ADGRL2: variants seen among roughly 807,000 people sequenced by gnomAD.
ADGRL2 encodes the protein calcium-independent alpha-latrotoxin receptor 2.
ADGRL2 carries 44 observed loss-of-function variants against 157.4 expected under a neutral mutation model. The observed-to-expected ratio is 0.28, with a 90% CI of 0.22 to 0.36. ADGRL2 has a LOEUF of 0.36. Ranked by LOEUF, ADGRL2 falls within the 10% of genes least tolerant of loss-of-function variation. ADGRL2 has a pLI of 1.00. For missense variants in ADGRL2, 1,510 were observed against 1,768.9 expected (o/e 0.85, Z 2.63); for synonymous variants, 585 against 624.7 (o/e 0.94, Z 0.95).
At chr1:81,552,790 T>C (rs886355717) in intron 2 of ADGRL2, among the ~76,000 whole-genome samples, 4 of 152,154 alleles carry the variant, frequency 2.6e-5, no homozygotes, top group African/African-American at 9.6e-5. Flanking sequence ...GGTTTTCTTA[T>C]AATGTACTAC....
intron 1 of ADGRL2, among the ~76,000 whole-genome samples, chr1:81,749,157 A>G (rs1006495280): frequency 2.0e-5 from 3 of 151,876 alleles, no homozygotes; most frequent in Non-Finnish European, 4.4e-5. Flanking sequence ...TGTTACCTCA[A>G]CTCTTTCTTT....
chr1:81,596,375 C>T (rs187843699), intron 3 of ADGRL2: 12 of 506,378 alleles, frequency 2.4e-5, no homozygotes, highest in Non-Finnish European at 4.2e-5. Flanking sequence ...GATTCTTTTC[C>T]TTTCCTCCTC....
At chr1:81,596,994 T>A (rs2081247475) in intron 3 of ADGRL2, among the ~76,000 whole-genome samples, 2 of 152,198 alleles carry the variant, frequency 1.3e-5, no homozygotes, top group South Asian at 4.1e-4. Context: ...ATTAAATTTT[T>A]AAAAATTCTA....
intron 3 of ADGRL2, among the ~76,000 whole-genome samples, chr1:81,646,253 A>C (rs991984029): frequency 1.3e-5 from 2 of 152,196 alleles, no homozygotes; most frequent in African/African-American, 4.8e-5. Flanking sequence ...TGACATTTCA[A>C]ACCTCATCTC....
chr1:81,744,668 C>G (rs1012288876), intron 1 of ADGRL2, among the ~76,000 whole-genome samples: 1 of 152,076 alleles, frequency 6.6e-6, no homozygotes, highest in Non-Finnish European at 1.5e-5. Context: ...ACTTAGTGTA[C>G]CAAATACTGC....
intron 2 of ADGRL2, among the ~76,000 whole-genome samples, chr1:81,874,626 TG>T (rs2093783966): frequency 9.9e-6 from 1 of 100,846 alleles, no homozygotes; most frequent in South Asian, 4.7e-4. Context: ...TGTCTTGTCT[TG>T]TCTTGTCTTG....
chr1:81,956,413 A>T (rs1653529774), intron 11 of ADGRL2, among the ~76,000 whole-genome samples: 1 of 152,134 alleles, frequency 6.6e-6, no homozygotes, highest in Non-Finnish European at 1.5e-5. Context: ...ATATGTTCCT[A>T]ATGAATTTAA....
At chr1:81,755,166 T>TA (rs1571085987) in intron 1 of ADGRL2, among the ~76,000 whole-genome samples, 34 of 130,596 alleles carry the variant, frequency 2.6e-4, no homozygotes, top group Admixed American at 2.1e-3. Flanking sequence ...ATATATATAT[T>TA]TAAAGATATA....
chr1:81,894,257 G>T (rs2094333676), intron 2 of ADGRL2, among the ~76,000 whole-genome samples: 1 of 151,906 alleles, frequency 6.6e-6, no homozygotes, highest in African/African-American at 2.4e-5. Flanking sequence ...TTTTCTGTTT[G>T]GTGGTGTTTT....
At chr1:81,377,643 T>G (rs1008643233) in intron 1 of ADGRL2, among the ~76,000 whole-genome samples, 1 of 152,106 alleles carries the variant, frequency 6.6e-6, no homozygotes, top group Non-Finnish European at 1.5e-5. Flanking sequence ...ACATCCAGGT[T>G]GATTGTTAGG....
chr1:81,463,337 A>G (rs2101819669), intron 2 of ADGRL2, among the ~76,000 whole-genome samples: 1 of 152,004 alleles, frequency 6.6e-6, no homozygotes, highest in African/African-American at 2.4e-5. Flanking sequence ...TGACATTTAA[A>G]CCAAGCAGAA....
intron 1 of ADGRL2, among the ~76,000 whole-genome samples, chr1:81,833,356 G>A (rs1384597833): frequency 2.0e-5 from 3 of 152,050 alleles, no homozygotes; most frequent in Non-Finnish European, 4.4e-5. Flanking sequence ...GGGCTTAATA[G>A]CCAGTGTTTG....
chr1:81,966,239 T>A, intron 12 of ADGRL2, 56 bp downstream of exon 12: 1 of 1,607,296 alleles, frequency 6.2e-7, no homozygotes, highest in Non-Finnish European at 8.5e-7. Flanking sequence ...AAAAACCTAT[T>A]AATTCTAAAA....
At chr1:81,969,021 A>G (rs1479413544) in intron 14 of ADGRL2, among the ~76,000 whole-genome samples, 157 bp from the exon 15 acceptor site, 2 of 152,208 alleles carry the variant, frequency 1.3e-5, no homozygotes, top group Non-Finnish European at 2.9e-5. Flanking sequence ...TATGTGATCA[A>G]AATTTATTTT....
intron 3 of ADGRL2, among the ~76,000 whole-genome samples, chr1:81,935,695 G>A (rs981530809): frequency 5.9e-5 from 9 of 151,818 alleles, no homozygotes; most frequent in African/African-American, 2.2e-4. Context: ...CCTTCTTAAT[G>A]TATGTGCTAT....
intron 2 of ADGRL2, among the ~76,000 whole-genome samples, chr1:81,525,627 T>C (rs72715572): frequency 0.01 from 1,546 of 152,302 alleles, 13 homozygotes; most frequent in Non-Finnish European, 0.016. Context: ...CTATAAAGTG[T>C]ACTTTCTGAC....
rs536809090 is a variant in ADGRL2, at chr1:81,577,162, A to C, written c.-247-3714A>C. Among the ~76,000 whole-genome samples the C allele has an allele frequency of 9.2e-5, 14 of 152,292 alleles. No homozygotes were observed. In the South Asian group the frequency reaches 2.9e-3, roughly 32 times the overall value. On this transcript the variant is annotated intron_variant, in intron 2 of 24. Transcript: ENST00000370721. ...ACTTGTCATTTGTGCCCTGCACCAC[A>C]ATGCTGACTGGGGGACAGGCACTAT...
intron 1 of ADGRL2, among the ~76,000 whole-genome samples, chr1:81,334,230 A>G (rs1191189411): frequency 6.6e-6 from 1 of 152,190 alleles, no homozygotes; most frequent in Non-Finnish European, 1.5e-5. Context: ...TAGGTTGCTC[A>G]TCTTCCCCAT....
intron 2 of ADGRL2, among the ~76,000 whole-genome samples, chr1:81,770,394 C>A (rs1362517125): frequency 6.6e-6 from 1 of 151,926 alleles, no homozygotes; most frequent in African/African-American, 2.4e-5. Context: ...AACTCCTAGC[C>A]CTGTAATTCG....
Sources: gnomAD v4.1 joint callset for allele counts (sites outside exome capture counted in the v4.1 genomes callset) on GRCh38, gnomAD v4.1.1 for gene constraint, MANE v1.5 for transcripts, NCBI Gene and HGNC (gene_info 2026-07-23, HGNC 2026-07-21) for gene names.